MLPH: variants seen among roughly 807,000 people sequenced by gnomAD.
MLPH encodes the protein melanophilin.
Under a neutral mutation model 72.1 loss-of-function variants are expected in MLPH, and 51 were observed. That is an observed-to-expected ratio of 0.71 (90% CI 0.56 to 0.89). The LOEUF (loss-of-function observed/expected upper bound fraction) is 0.89. Ranked by LOEUF, MLPH falls within the 40% of genes least tolerant of loss-of-function variation. The probability of loss-of-function intolerance (pLI) is 0.00; values close to 1 mark genes in which losing one functional copy is unlikely to be tolerated. For synonymous variants in MLPH, 301 were observed against 310.1 expected (o/e 0.97, Z 0.31); for missense variants, 743 against 759.9 (o/e 0.98, Z 0.26).
At chr2:237,546,479 C>A (rs2080920698) in intron 12 of MLPH, 127 bp from the exon 13 acceptor site, 1 of 807,322 alleles carries the variant, frequency 1.2e-6, no homozygotes, top group East Asian at 2.6e-5. Context: ...GGTGGCTGTG[C>A]AGTCCCAGCA....
chr2:237,503,343 G>A lies in MLPH; in HGVS notation c.111-7231G>A, dbSNP rs145074814. Among the ~76,000 whole-genome samples, 24 of 152,238 alleles carry A rather than the reference G, an allele frequency of 1.6e-4. No individual in the cohort carries two copies. The East Asian group carries it at 3.9e-3, about 24-fold the overall frequency. Reference sequence around the variant, plus strand: ...GAGGCTCCGTCTCTCAGCGCCTGCCGTTCTCACATCACCACTCACTTCCTC... The same window carrying A: ...GAGGCTCCGTCTCTCAGCGCCTGCCATTCTCACATCACCACTCACTTCCTC... On this transcript the variant is annotated intron_variant, in intron 2 of 15. Transcript: ENST00000264605.
intron 1 of MLPH, among the ~76,000 whole-genome samples, chr2:237,492,642 G>A (rs1217857326): frequency 6.6e-6 from 1 of 152,106 alleles, no homozygotes; most frequent in Non-Finnish European, 1.5e-5. Flanking sequence ...TGCTCATCCT[G>A]CCCAGATGTT....
intron 4 of MLPH, among the ~76,000 whole-genome samples, chr2:237,513,194 A>G (rs7582753): frequency 2.0e-5 from 3 of 151,960 alleles, no homozygotes; most frequent in African/African-American, 7.3e-5. Flanking sequence ...TTGTCCAGCT[A>G]GTAAGTGGGC....
chr2:237,528,764 C>G (rs778026242), intron 8 of MLPH, among the ~76,000 whole-genome samples: 1 of 152,166 alleles, frequency 6.6e-6, no homozygotes, highest in Non-Finnish European at 1.5e-5. Flanking sequence ...TCCCAGTCTC[C>G]CTTGTCCCCG....
chr2:237,497,748 C>T (rs984697462), intron 2 of MLPH, among the ~76,000 whole-genome samples: 3 of 152,226 alleles, frequency 2.0e-5, no homozygotes, highest in Admixed American at 6.5e-5. Flanking sequence ...CTAATCTGTG[C>T]GTTTAACCAA....
At chr2:237,549,550 A>G (rs1366230606) in intron 14 of MLPH, among the ~76,000 whole-genome samples, 1 of 152,128 alleles carries the variant, frequency 6.6e-6, no homozygotes, top group Non-Finnish European at 1.5e-5. Context: ...TTCTACATAA[A>G]TTGTCCTAAC....
rs1339978040 is a variant in MLPH, at chr2:237,546,807, A to AATGCCCACACAGCT, written c.1617+125_1617+138dup. On this transcript the variant is annotated intron_variant, in intron 13 of 15. Transcript: ENST00000264605. ...ATGTCCTCACAGCTACCCACACAGC[A>AATGCCCACACAGCT]ATGCCCACACAGCTGCCACAACACC... is the stretch of plus-strand genomic sequence containing the variant. The AATGCCCACACAGCT allele has an allele frequency of 4.8e-5, 39 of 815,148 alleles. 1 individual carries two copies. In the African/African-American group the frequency reaches 5.6e-4, roughly 12 times the overall value. The allele number at this position is 815,148 out of a possible 1,614,324, so 50.5% of individuals were successfully genotyped here. A position where few individuals can be genotyped will look rare whatever the true frequency, so the allele number is the denominator to read the frequency against.
In MLPH at chr2:237,512,842, T is replaced by C. The variant is rs556144479; in HGVS notation, c.445+1741T>C. The stretch of plus-strand genomic sequence containing the variant: ...CTGTATTATTTCAAAGGACGCAGTG[T>C]TTCCACAGCTCAGCCCAGAGCTGCT... On this transcript the variant is annotated intron_variant, in intron 4 of 15. Transcript: ENST00000264605. This position sits in a 1 kb window ranked among gnomAD's most constrained non-coding sequence, Gnocchi z 5.5. Among the ~76,000 whole-genome samples, 1 of 152,248 alleles carries C rather than the reference T, an allele frequency of 6.6e-6. No individual in the cohort carries two copies. Among genetic ancestry groups the C allele is most frequent in the African/African-American group, 2.4e-5 (1 of 41,536 alleles).
intron 4 of MLPH, among the ~76,000 whole-genome samples, chr2:237,516,790 T>C (rs1453265744): frequency 7.1e-6 from 1 of 141,174 alleles, no homozygotes; most frequent in Non-Finnish European, 1.6e-5. Context: ...AATGGATGGA[T>C]GGATGGATGG....
rs534674156 is a variant in MLPH, at chr2:237,553,050, T to C, written c.1777-516T>C. 113 of 463,748 alleles carry C rather than the reference T, an allele frequency of 2.4e-4. 1 individual carries two copies. Among genetic ancestry groups the C allele is most frequent in the South Asian group, 1.3e-3 (81 of 64,144 alleles). The allele number at this position is 463,748 out of a possible 1,614,324, so 28.7% of individuals were successfully genotyped here. A position where few individuals can be genotyped will look rare whatever the true frequency, so the allele number is the denominator to read the frequency against. On this transcript the variant is annotated intron_variant, in intron 15 of 15. Coordinates refer to ENST00000264605, the MANE Select transcript of MLPH (RefSeq NM_024101.7). The stretch of plus-strand genomic sequence containing the variant: ...GTTACAGCATTTTCTGGAGTTTAAG[T>C]GCCCTCCAGAGTTTTCCCATTGGTT...
intron 4 of MLPH, among the ~76,000 whole-genome samples, chr2:237,516,710 G>A (rs908181154): frequency 1.3e-5 from 2 of 152,132 alleles, no homozygotes; most frequent in African/African-American, 4.8e-5. Flanking sequence ...ATAGGTATAC[G>A]AAAGGCCAGC....
intron 4 of MLPH, among the ~76,000 whole-genome samples, chr2:237,513,860 G>A (rs370586269): frequency 6.4e-4 from 97 of 152,158 alleles, no homozygotes; most frequent in African/African-American, 2.2e-3. Flanking sequence ...ATAAAACCAG[G>A]TCTGCTCTCT....
intron 2 of MLPH, among the ~76,000 whole-genome samples, chr2:237,504,901 T>A (rs982432609): frequency 1.1e-4 from 17 of 152,198 alleles, no homozygotes; most frequent in African/African-American, 4.1e-4. Context: ...AATACAGGTC[T>A]TTTATTTCCC....
At chr2:237,535,713 G>T (rs1423387139) in intron 9 of MLPH, among the ~76,000 whole-genome samples, 8 of 152,138 alleles carry the variant, frequency 5.3e-5, no homozygotes, top group Non-Finnish European at 7.3e-5. Context: ...ATAGGAATGG[G>T]GTCAGTGCTC....
rs1034535618 is a variant in MLPH, at chr2:237,554,020, A to G, written c.*428A>G. The G allele has an allele frequency of 5.8e-6, 2 of 343,740 alleles. No homozygotes were observed. The highest frequency in any genetic ancestry group is 2.1e-5 in the African/African-American group (1 of 46,900). The allele number at this position is 343,740 out of a possible 1,614,324, so 21.3% of individuals were successfully genotyped here. A position where few individuals can be genotyped will look rare whatever the true frequency, so the allele number is the denominator to read the frequency against. On this transcript the variant is annotated 3_prime_UTR_variant, in exon 16 of 16. Coordinates refer to ENST00000264605, the MANE Select transcript of MLPH (RefSeq NM_024101.7). The stretch of plus-strand genomic sequence containing the variant: ...GCCATATGTGTATTCTTGATGGTCT[A>G]TATCGGGGTGTGAGCAGATGTTTGC...
intron 12 of MLPH, among the ~76,000 whole-genome samples, chr2:237,544,416 T>TTGGGGGA (rs2080833543): frequency 2.9e-5 from 1 of 34,570 alleles, no homozygotes; most frequent in Non-Finnish European, 4.7e-5. Context: ...CAGTGGTGAG[T>TTGGGGGA]CGGGGGACAG....
intron 5 of MLPH, 50 bp from the exon 6 acceptor site, chr2:237,519,860 C>T (rs750544436): frequency 1.9e-6 from 3 of 1,613,634 alleles, no homozygotes; most frequent in Admixed American, 3.3e-5. Flanking sequence ...TTGGTCCTCT[C>T]CCTCAAGCTA....
At chr2:237,506,202 G>A (rs906596944) in intron 2 of MLPH, among the ~76,000 whole-genome samples, 2 of 152,122 alleles carry the variant, frequency 1.3e-5, no homozygotes, top group Admixed American at 6.5e-5. Context: ...TTAAAACTGG[G>A]AGTTAAAAAT....
At chr2:237,499,550 GAGA>G (rs1480014889) in intron 2 of MLPH, among the ~76,000 whole-genome samples, 1 of 152,132 alleles carries the variant, frequency 6.6e-6, no homozygotes, top group East Asian at 1.9e-4. Flanking sequence ...GGTTACAGGA[GAGA>G]AGAACTAGAA....
Sources: gnomAD v4.1 joint callset for allele counts (sites outside exome capture counted in the v4.1 genomes callset) on GRCh38, gnomAD v4.1.1 for gene constraint, Gnocchi (gnomAD v3.1) non-coding constraint, MANE v1.5 for transcripts, NCBI Gene and HGNC (gene_info 2026-07-23, HGNC 2026-07-21) for gene names.